Variants in NRG3 observed in about 807,000 individuals in gnomAD.
The protein encoded by NRG3 is pro-neuregulin-3, membrane-bound isoform.
Under a neutral mutation model 66.9 loss-of-function variants are expected in NRG3, and 31 were observed. The ratio of observed to expected loss-of-function variants is 0.46; its 90% CI spans 0.35 to 0.63. NRG3 has a LOEUF of 0.63. Among genes scored for constraint, NRG3 ranks in the 20% least tolerant of loss-of-function variants. NRG3 has a pLI of 0.00. For synonymous variants in NRG3, 393 were observed against 359.4 expected (o/e 1.09, Z -1.06); for missense variants, 910 against 878.9 (o/e 1.04, Z -0.45).
At chr10:82,883,132 A>G (rs17101015) in intron 4 of NRG3, among the ~76,000 whole-genome samples, 5,270 of 152,324 alleles carry the variant, frequency 0.035, 272 homozygotes, top group African/African-American at 0.12. Context: ...ATGTTGATGT[A>G]TGCGGAATGT....
chr10:82,687,146 T>C (rs965278347), intron 2 of NRG3, among the ~76,000 whole-genome samples: 7 of 152,240 alleles, frequency 4.6e-5, no homozygotes, highest in African/African-American at 1.7e-4. Flanking sequence ...GGATTTATCT[T>C]AGGACTTTCT....
At chr10:82,231,071 A>G (rs1289786286) in intron 1 of NRG3, among the ~76,000 whole-genome samples, 1 of 152,198 alleles carries the variant, frequency 6.6e-6, no homozygotes, top group Non-Finnish European at 1.5e-5. Context: ...GGCCAGGCAC[A>G]GTGGCTCATG....
chr10:82,154,750 AT>A (rs758349049), intron 1 of NRG3, among the ~76,000 whole-genome samples: 4 of 151,030 alleles, frequency 2.6e-5, no homozygotes, highest in African/African-American at 7.3e-5. Context: ...TATTTTATCA[AT>A]TTTTTTTGGT....
At chr10:81,964,592 C>A in intron 1 of NRG3, among the ~76,000 whole-genome samples, 1 of 152,044 alleles carries the variant, frequency 6.6e-6, no homozygotes, top group East Asian at 1.9e-4. Flanking sequence ...GTTCTTTGTG[C>A]ACCTGGGTGA....
chr10:82,975,052 A>C (rs1378431368), intron 7 of NRG3, among the ~76,000 whole-genome samples: 1 of 152,192 alleles, frequency 6.6e-6, no homozygotes, highest in Non-Finnish European at 1.5e-5. Flanking sequence ...CAGGATTGAA[A>C]TATGTTTGGC....
chr10:81,979,018 G>A (rs907829908), intron 1 of NRG3, among the ~76,000 whole-genome samples: 16 of 151,892 alleles, frequency 1.1e-4, no homozygotes, highest in Non-Finnish European at 1.5e-4. Flanking sequence ...ATGAAACCCC[G>A]TCTCTATTAA....
intron 2 of NRG3, among the ~76,000 whole-genome samples, chr10:82,455,886 G>T (rs2091245511): frequency 3.3e-5 from 5 of 152,046 alleles, no homozygotes. Flanking sequence ...CCAAAGTGCT[G>T]GGAGTACAGG....
At chr10:82,932,593 G>A (rs1471010587) in intron 4 of NRG3, among the ~76,000 whole-genome samples, 1 of 152,064 alleles carries the variant, frequency 6.6e-6, no homozygotes, top group East Asian at 1.9e-4. Flanking sequence ...GCTCTCTGTG[G>A]CCAGCATCCA....
chr10:82,717,994 C>A (rs965527630), intron 2 of NRG3, among the ~76,000 whole-genome samples: 2 of 152,050 alleles, frequency 1.3e-5, no homozygotes, highest in Admixed American at 6.6e-5. Flanking sequence ...ACCCTCTTCC[C>A]GAAAAGGAGA....
chr10:82,876,107 A>G (rs1479840054), intron 4 of NRG3, among the ~76,000 whole-genome samples: 1 of 152,214 alleles, frequency 6.6e-6, no homozygotes, highest in Non-Finnish European at 1.5e-5. Flanking sequence ...ATAAAATTTG[A>G]TTGGTAGACA....
chr10:82,960,904 A>C (rs536757436), intron 6 of NRG3, among the ~76,000 whole-genome samples: 1 of 151,968 alleles, frequency 6.6e-6, no homozygotes, highest in South Asian at 2.1e-4. Context: ...TCCCTTCACT[A>C]ACTCTCTTTT....
rs951434864 is a variant in NRG3 at position 81,970,019 on chromosome 10, A to G, written c.823+93856A>G. Among the ~76,000 whole-genome samples the G allele has an allele frequency of 3.3e-5, 5 of 152,332 alleles. No homozygotes were observed. The East Asian group carries it at 7.7e-4, about 23-fold the overall frequency. ...TTGCTTCTATCATAGTGTAAGACAT[A>G]TAGTAGATTCTCAATAAAAACCTGT... On this transcript the variant is annotated intron_variant, in intron 1 of 8. Coordinates refer to ENST00000372141, the MANE Select transcript of NRG3 (RefSeq NM_001010848.4).
rs143449928 is a variant in NRG3, at chr10:82,966,243, C to G, written c.1284+7168C>G. Among the ~76,000 whole-genome samples, 5 of 152,160 alleles carry G rather than the reference C, an allele frequency of 3.3e-5. No individual in the cohort carries two copies. The East Asian group carries it at 9.7e-4, about 29-fold the overall frequency. ...CCTGATTGCTGCCTGTGTTCTAATC[C>G]CAGGTACCGCATTACATCTAATATT... is the stretch of plus-strand genomic sequence containing the variant. On this transcript the variant is annotated intron_variant, in intron 6 of 8. Transcript: ENST00000372141.
At chr10:82,295,072 TA>T (rs5786544) in intron 1 of NRG3, among the ~76,000 whole-genome samples, 48 of 150,858 alleles carry the variant, frequency 3.2e-4, no homozygotes, top group Admixed American at 1.9e-3. Context: ...CTGACTAATG[TA>T]AAAAAAAAAT....
intron 4 of NRG3, among the ~76,000 whole-genome samples, chr10:82,907,204 G>C (rs1485575000): frequency 2.0e-5 from 3 of 152,102 alleles, no homozygotes; most frequent in African/African-American, 7.2e-5. Flanking sequence ...TCTTCACTGA[G>C]TTTTAGTTCA....
At position 82,191,585 on chromosome 10, in the gene NRG3, G is replaced by A. The variant is rs17729611; in HGVS notation, c.824-167154G>A. ...TTATTTTCTTAACAAGTTTGCAGGA[G>A]CCATTAATAATGTAGAGCAAAATGC... On this transcript the variant is annotated intron_variant, in intron 1 of 8. Coordinates refer to ENST00000372141, the MANE Select transcript of NRG3 (RefSeq NM_001010848.4). Among the ~76,000 whole-genome samples the A allele has an allele frequency of 7.1e-3, 1,078 of 152,174 alleles. 17 individuals carry two copies. The highest frequency in any genetic ancestry group is 0.011 in the Non-Finnish European group (763 of 68,004).
rs1048337160 is a variant in NRG3 at position 82,707,006 on chromosome 10, T to A, written c.954-31571T>A. Reference sequence around the variant, plus strand: ...AAGACTCCATCTCAAAAAAAAAAAATAAAATAAAATAAATATATATATATA... The same window carrying A: ...AAGACTCCATCTCAAAAAAAAAAAAAAAAATAAAATAAATATATATATATA... On this transcript the variant is annotated intron_variant, in intron 2 of 8. Coordinates refer to ENST00000372141, the MANE Select transcript of NRG3 (RefSeq NM_001010848.4). 1.5e-3 allele frequency among the ~76,000 whole-genome samples: 166 copies of A among 111,824 alleles called. 1 individual carries two copies. The highest frequency in any genetic ancestry group is 4.5e-3 in the African/African-American group (130 of 28,850). 73.4% of individuals were successfully genotyped at this position (111,824 alleles called of 152,430 possible). A position where few individuals can be genotyped will look rare whatever the true frequency, so the allele number is the denominator to read the frequency against.
At chr10:82,015,107 A>G (rs548578772) in intron 1 of NRG3, among the ~76,000 whole-genome samples, 1 of 152,304 alleles carries the variant, frequency 6.6e-6, no homozygotes, top group South Asian at 2.1e-4. Flanking sequence ...ATCATCATAT[A>G]GTTTAAGAAA....
At chr10:82,409,987 C>T (rs1299352808) in intron 2 of NRG3, among the ~76,000 whole-genome samples, 1 of 152,098 alleles carries the variant, frequency 6.6e-6, no homozygotes, top group African/African-American at 2.4e-5. Flanking sequence ...CCCCAAGAGA[C>T]CAGAGGGTAG....
Sources: gnomAD v4.1 joint callset for allele counts (sites outside exome capture counted in the v4.1 genomes callset) on GRCh38, gnomAD v4.1.1 for gene constraint, MANE v1.5 for transcripts, NCBI Gene and HGNC (gene_info 2026-07-23, HGNC 2026-07-21) for gene names.